Variants in STOML1 observed in about 807,000 individuals in gnomAD.
The protein encoded by STOML1 is stomatin-like protein 1.
Under a neutral mutation model 35.7 loss-of-function variants are expected in STOML1, and 27 were observed. That is an observed-to-expected ratio of 0.76 (90% CI 0.56 to 1.04). The LOEUF (loss-of-function observed/expected upper bound fraction) is 1.04. STOML1 is among the 50% of genes least tolerant of loss of function. STOML1 has a pLI of 0.00. For missense variants in STOML1, 451 were observed against 527.1 expected, an observed-to-expected ratio of 0.86 and a Z score of 1.41; for synonymous variants, 219 against 227.9, an observed-to-expected ratio of 0.96 and a Z score of 0.35.
In STOML1 at chr15:73,988,857, G is replaced by A; in HGVS notation, c.391-55C>T. The A allele has an allele frequency of 1.9e-6, 3 of 1,577,468 alleles. 1 individual carries two copies. The highest frequency in any genetic ancestry group is 3.6e-4 in the Middle Eastern group (2 of 5,590). The stretch of plus-strand genomic sequence containing the variant: ...CTCAAGGGGCTGGGGGTGCAGGGAG[G>A]TCAGGCCCACTGGGGCCACCCAGCT... On this transcript the variant is annotated intron_variant, in intron 3 of 6. Coordinates refer to ENST00000541638, the MANE Select transcript of STOML1 (RefSeq NM_004809.5). The surrounding 1 kb of genome is among the most constrained non-coding windows in gnomAD (Gnocchi z 4.8).
intron 1 of STOML1, chr15:73,991,084 C>A: frequency 1.7e-6 from 2 of 1,208,220 alleles, no homozygotes; most frequent in Non-Finnish European, 2.1e-6. Context: ...CGCCACTGCA[C>A]TCCAGCCTGG....
In STOML1 at chr15:73,990,420, G is replaced by A. The variant is rs2069234701; in HGVS notation, c.171C>T (p.Gly57=). 1.2e-6 allele frequency: 2 copies of A among 1,613,972 alleles called. No homozygotes were observed. The highest frequency in any genetic ancestry group is 1.7e-6 in the Non-Finnish European group (2 of 1,180,008). ...GCAAGAACCCCAGGAAACTGATGAG[G>A]CCATGACAGAGGCAGGAGGGCCAGC... ...PQSWPSCLCH[G]LISFLGFLLL... The change falls in exon 2 of 7, where the codon GGC becomes GGT. Residue 57 remains glycine, a synonymous_variant. Coordinates refer to ENST00000541638, the MANE Select transcript of STOML1 (RefSeq NM_004809.5).
At chr15:73,991,667 C>T (rs530107953) in intron 1 of STOML1, 16 of 464,966 alleles carry the variant, frequency 3.4e-5, no homozygotes, top group South Asian at 2.5e-4. Context: ...GCCTAGTTCC[C>T]GGGCTTCTAG....
In STOML1 at chr15:73,985,517, G is replaced by A. The variant is rs1479877444; in HGVS notation, c.595-4C>T. 1 of 1,539,728 alleles carries A rather than the reference G, an allele frequency of 6.5e-7. No individual in the cohort carries two copies. Among genetic ancestry groups the A allele is most frequent in the East Asian group, 2.5e-5 (1 of 39,926 alleles). On this transcript the variant is annotated splice_region_variant and splice_polypyrimidine_tract_variant and intron_variant, in intron 4 of 6. Transcript: ENST00000541638. The stretch of plus-strand genomic sequence containing the variant: ...TGGTCACATCGTTGATCTCCAGCTG[G>A]AGGACAGTGTGAGGAGAAATGTAAT...
chr15:73,984,484 C>T (rs1048486780), intron 6 of STOML1, among the ~76,000 whole-genome samples, 175 bp downstream of exon 6: 4 of 152,156 alleles, frequency 2.6e-5, no homozygotes, highest in East Asian at 1.9e-4. Context: ...CTGCGGATGG[C>T]GGGGAGACCA....
At position 73,982,621 on chromosome 15, in the gene STOML1, G is replaced by C. The variant is rs1595857057; in HGVS notation, c.*1316C>G. On this transcript the variant is annotated 3_prime_UTR_variant, in exon 7 of 7. Coordinates refer to ENST00000541638, the MANE Select transcript of STOML1 (RefSeq NM_004809.5). Reference sequence around the variant, plus strand: ...CAGAGACCCCTTGGGGGAGAGGGAAGTTGCGGTGCCACAGGACAGGCTGGG... The same window carrying C: ...CAGAGACCCCTTGGGGGAGAGGGAACTTGCGGTGCCACAGGACAGGCTGGG... The C allele has an allele frequency of 6.6e-6, 1 of 152,540 alleles. No homozygotes were observed. The highest frequency in any genetic ancestry group is 1.5e-5 in the Non-Finnish European group (1 of 68,278). 9.4% of individuals were successfully genotyped at this position (152,540 alleles called of 1,614,324 possible). A position where few individuals can be genotyped will look rare whatever the true frequency, so the allele number is the denominator to read the frequency against.
chr15:73,985,236 C>T (rs2069052951), intron 5 of STOML1, 82 bp downstream of exon 5: 2 of 1,429,278 alleles, frequency 1.4e-6, no homozygotes. Flanking sequence ...GTGTACTGCA[C>T]AGAGCTGCTG....
Position 73,989,270 on chromosome 15 carries a change from G to T in STOML1, c.241-13C>A. The T allele has an allele frequency of 6.4e-7, 1 of 1,571,000 alleles. No individual in the cohort carries two copies. Among genetic ancestry groups the T allele is most frequent in the South Asian group, 1.2e-5 (1 of 85,338 alleles). On this transcript the variant is annotated splice_polypyrimidine_tract_variant and intron_variant, in intron 2 of 6. Coordinates refer to ENST00000541638, the MANE Select transcript of STOML1 (RefSeq NM_004809.5). ...AGGTGGGCACAATCTGTCCACAATG[G>T]CAAGGGAAAGAGTTGAAAGTGGTCA...
Position 73,982,697 on chromosome 15 carries a change from A to G in STOML1, c.*1240T>C, listed in dbSNP as rs2068974942. The G allele has an allele frequency of 6.6e-6, 1 of 152,350 alleles. No homozygotes were observed. Among genetic ancestry groups the G allele is most frequent in the African/African-American group, 2.4e-5 (1 of 41,434 alleles). The allele number at this position is 152,350 out of a possible 1,614,324, so 9.4% of individuals were successfully genotyped here. ...TTTTTGTGGTTTTGTTTTTCCCAGA[A>G]GTCTCTCCAAGGAGTAAGATTCCTT... On this transcript the variant is annotated 3_prime_UTR_variant, in exon 7 of 7. Coordinates refer to ENST00000541638, the MANE Select transcript of STOML1 (RefSeq NM_004809.5).
chr15:73,984,724 C>T lies in STOML1; in HGVS notation c.938G>A (p.Cys313Tyr). The T allele has an allele frequency of 6.2e-7, 1 of 1,614,102 alleles. No individual in the cohort carries two copies. Among genetic ancestry groups the T allele is most frequent in the Non-Finnish European group, 8.5e-7 (1 of 1,180,036 alleles). Residue 313 changes from cysteine to tyrosine, a missense_variant, in exon 6 of 7, where the codon TGC (cysteine) becomes TAC (tyrosine). Coordinates refer to ENST00000541638, the MANE Select transcript of STOML1 (RefSeq NM_004809.5). ...SEALVSQVGA[C>Y]YQFNVVLPSG... ...GGGCAGGACGACATTGAACTGGTAG[C>T]AGGCCCCGACTTGGCTGACCAGGGC...
In STOML1 at chr15:73,980,988, A is replaced by G. The variant is rs1297146901; in HGVS notation, c.*2949T>C. The G allele has an allele frequency of 3.3e-5, 5 of 152,204 alleles. No homozygotes were observed. Among genetic ancestry groups the G allele is most frequent in the African/African-American group, 1.2e-4 (5 of 41,438 alleles). The allele number at this position is 152,204 out of a possible 1,614,324, so 9.4% of individuals were successfully genotyped here. The stretch of plus-strand genomic sequence containing the variant: ...TTTGAGCCCCAGAGTTCAAGGCTAC[A>G]GTGAGCTATGATCATGCCACTGCAC... On this transcript the variant is annotated 3_prime_UTR_variant, in exon 7 of 7. Transcript: ENST00000541638.
chr15:73,988,600 A>G lies in STOML1; in HGVS notation c.593T>C (p.Leu198Pro), dbSNP rs763300688. ...TCCGTCTTGTGAGGGGCTGCCTACC[A>G]GAAGCTGGTCGCTGATCTTGAGCTT... ...MEKLKISDQLLLEINDVTRAW... is the reference protein window; with the variant it reads ...MEKLKISDQLPLEINDVTRAW... Residue 198 changes from leucine to proline, a missense_variant and splice_region_variant, in exon 4 of 7, where the codon CTG becomes CCG. Transcript: ENST00000541638. This position sits in a 1 kb window ranked among gnomAD's most constrained non-coding sequence, Gnocchi z 4.8. 1.2e-5 allele frequency: 19 copies of G among 1,614,098 alleles called. No homozygotes were observed. The highest frequency in any genetic ancestry group is 3.3e-5 in the Admixed American group (2 of 60,012).
At position 73,982,261 on chromosome 15, in the gene STOML1, A is replaced by G. The variant is rs1376152810; in HGVS notation, c.*1676T>C. ...GAGCCAGGCAAGGGCACAGAGGACA[A>G]GTCTCACTGGGCCTCAAAGGGTGGC... On this transcript the variant is annotated 3_prime_UTR_variant, in exon 7 of 7. Coordinates refer to ENST00000541638, the MANE Select transcript of STOML1 (RefSeq NM_004809.5). 1.3e-5 allele frequency: 2 copies of G among 152,526 alleles called. No homozygotes were observed. The highest frequency in any genetic ancestry group is 1.3e-4 in the Admixed American group (2 of 15,296). 9.4% of individuals were successfully genotyped at this position (152,526 alleles called of 1,614,324 possible).
chr15:73,985,632 T>C, intron 4 of STOML1, 119 bp from the exon 5 acceptor site: 1 of 1,219,852 alleles, frequency 8.2e-7, no homozygotes, highest in Non-Finnish European at 1.1e-6. Flanking sequence ...CTTGAGACAC[T>C]CCTAGCCTGG....
Position 73,979,909 on chromosome 15 carries a change from T to G in STOML1, c.*4028A>C, listed in dbSNP as rs1595856318. 1 of 111,404 alleles carries G rather than the reference T, an allele frequency of 9.0e-6. No homozygotes were observed. The highest frequency in any genetic ancestry group is 1.7e-5 in the Non-Finnish European group (1 of 59,336). The allele number at this position is 111,404 out of a possible 1,614,324, so 6.9% of individuals were successfully genotyped here. ...TAGAGACCAGCTTGAGAAGGCCCTGTCTCTACAAAAAAAAAAAAAAAAAAA... is the reference window on the plus strand; with the variant it reads ...TAGAGACCAGCTTGAGAAGGCCCTGGCTCTACAAAAAAAAAAAAAAAAAAA... On this transcript the variant is annotated 3_prime_UTR_variant, in exon 7 of 7. Transcript: ENST00000541638.
At chr15:73,990,214 T>C in intron 2 of STOML1, 137 bp downstream of exon 2, 1 of 750,438 alleles carries the variant, frequency 1.3e-6, no homozygotes, top group Non-Finnish European at 2.2e-6. Flanking sequence ...TGTGAATGAA[T>C]GGTTCTTGCC....
upstream of STOML1, chr15:73,994,519 C>G (rs1209333095): frequency 5.9e-6 from 3 of 508,268 alleles, no homozygotes; most frequent in South Asian, 6.4e-5. Flanking sequence ...GGGCTGCCCC[C>G]CTGCAGCTCT....
At chr15:73,994,014 C>T (rs139900912), upstream of STOML1, among the ~76,000 whole-genome samples, 121 of 152,156 alleles carry the variant, frequency 8.0e-4, no homozygotes, top group Middle Eastern at 3.4e-3. Flanking sequence ...AGCCACTGTC[C>T]TAGACCAGGG....
At position 73,989,250 on chromosome 15, in the gene STOML1, G is replaced by A; in HGVS notation, c.248C>T (p.Pro83Leu). 6.3e-7 allele frequency: 1 copy of A among 1,594,666 alleles called. No individual in the cohort carries two copies. Among genetic ancestry groups the A allele is most frequent in the South Asian group, 1.1e-5 (1 of 88,622 alleles). The change falls in exon 3 of 7, where the codon CCC becomes CTC. Residue 83 changes from proline (P) to leucine (L), a missense_variant. Pro to Leu is a moderately conservative substitution (Grantham distance 98). Coordinates refer to ENST00000541638, the MANE Select transcript of STOML1 (RefSeq NM_004809.5). ...GAACACAATCATCCGCTCGTAGGTG[G>A]GCACAATCTGTCCACAATGGCAAGG... ...ISGWFALKIV[P>L]TYERMIVFRL...
Sources: gnomAD v4.1 joint callset for allele counts (sites outside exome capture counted in the v4.1 genomes callset) on GRCh38, gnomAD v4.1.1 for gene constraint, Gnocchi (gnomAD v3.1) non-coding constraint, MANE v1.5 for transcripts, NCBI Gene and HGNC (gene_info 2026-07-23, HGNC 2026-07-21) for gene names.